CARD9: variants seen among roughly 807,000 people sequenced by gnomAD.
The protein encoded by CARD9 is caspase recruitment domain family member 9.
A neutral mutation model predicts 66.0 loss-of-function variants in CARD9; 53 were observed. That is an observed-to-expected ratio of 0.80 (90% CI 0.64 to 1.01). The LOEUF is 1.01. Ranked by LOEUF, CARD9 falls within the 50% of genes least tolerant of loss-of-function variation. The probability of loss-of-function intolerance (pLI) is 0.00; values close to 1 mark genes in which losing one functional copy is unlikely to be tolerated. For synonymous variants in CARD9, 387 were observed against 313.8 expected, an observed-to-expected ratio of 1.23 and a Z score of -2.47; for missense variants, 769 against 743.2, an observed-to-expected ratio of 1.03 and a Z score of -0.40.
At chr9:136,367,980 C>T (rs968095519) in intron 7 of CARD9, 152 bp from the exon 8 acceptor site, 26 of 1,428,836 alleles carry the variant, frequency 1.8e-5, no homozygotes, top group African/African-American at 5.8e-5. Flanking sequence ...GTGTGCTCTG[C>T]GGACACGAAG....
At chr9:136,371,800 C>T (rs1000395266) in intron 2 of CARD9, 95 bp downstream of exon 2, 126 of 1,525,778 alleles carry the variant, frequency 8.3e-5, no homozygotes, top group Non-Finnish European at 1.1e-4. Flanking sequence ...CGGGGCTCTC[C>T]TGGGGTTGAG....
intron 6 of CARD9, 146 bp downstream of exon 6, chr9:136,370,148 C>T (rs990313712): frequency 8.3e-6 from 12 of 1,450,804 alleles, no homozygotes; most frequent in Admixed American, 6.5e-5. Context: ...GAGAGGGCAC[C>T]GTCCACTGTG....
chr9:136,365,960 C>T (rs537273699), intron 10 of CARD9: 2 of 152,552 alleles, frequency 1.3e-5, no homozygotes, highest in Admixed American at 1.3e-4. Flanking sequence ...CTTGGCATCC[C>T]CATGTTCAAG....
intron 10 of CARD9, 137 bp downstream of exon 10, chr9:136,366,663 A>G (rs1833131276): frequency 1.1e-6 from 1 of 937,990 alleles, no homozygotes; most frequent in Non-Finnish European, 1.7e-6. Flanking sequence ...ACTTATCCCC[A>G]GCCCCAGTTT....
At chr9:136,371,606 G>T (rs2131445065) in intron 2 of CARD9, 145 bp from the exon 3 acceptor site, 1 of 1,347,488 alleles carries the variant, frequency 7.4e-7, no homozygotes, top group African/African-American at 1.4e-5. Flanking sequence ...TACCCTGCGG[G>T]TCTTGGTACT....
At chr9:136,366,690 G>C (rs911009520) in intron 10 of CARD9, 110 bp downstream of exon 10, 7 of 1,146,826 alleles carry the variant, frequency 6.1e-6, no homozygotes, top group Non-Finnish European at 9.2e-6. Flanking sequence ...CTGTGGAGTG[G>C]GGGTTGTGGG....
chr9:136,364,543 C>A lies in CARD9; in HGVS notation c.1451G>T (p.Ser484Ile). The A allele has an allele frequency of 6.5e-7, 1 of 1,538,762 alleles. No individual in the cohort carries two copies. Residue 484 changes from serine to isoleucine, a missense_variant, in exon 12 of 13, where the codon AGC becomes ATC. Ser to Ile is a moderately radical substitution (Grantham distance 142). Coordinates refer to ENST00000371732, the MANE Select transcript of CARD9 (RefSeq NM_052813.5). Reference sequence around the variant, plus strand: ...CCGCTCCTTCTCGGGCGGCTCCCCGCTGCTCAGGCCTGCGTCCTGGAGAAG... The same window carrying A: ...CCGCTCCTTCTCGGGCGGCTCCCCGATGCTCAGGCCTGCGTCCTGGAGAAG... ...LRNPHDAGLSSGEPPEKERRR... is the reference protein window; with the variant it reads ...LRNPHDAGLSIGEPPEKERRR...
Position 136,373,645 on chromosome 9 carries a change from G to A in CARD9, c.-130C>T. The A allele has an allele frequency of 1.1e-6, 1 of 905,920 alleles. No individual in the cohort carries two copies. Among genetic ancestry groups the A allele is most frequent in the East Asian group, 1.2e-4 (1 of 8,524 alleles). 56.1% of individuals were successfully genotyped at this position (905,920 alleles called of 1,614,324 possible). A position where few individuals can be genotyped will look rare whatever the true frequency, so the allele number is the denominator to read the frequency against. ...GGAGGGAGGAGCACGCCGGACGCCTGTGCACTTCCTGATGGGTTCTGCTTA... is the reference window on the plus strand; with the variant it reads ...GGAGGGAGGAGCACGCCGGACGCCTATGCACTTCCTGATGGGTTCTGCTTA... On this transcript the variant is annotated 5_prime_UTR_variant, in exon 1 of 13. Transcript: ENST00000371732.
In CARD9 at chr9:136,373,438, C is replaced by A; in HGVS notation, c.-17+94G>T. The A allele has an allele frequency of 4.2e-6, 4 of 955,430 alleles. No individual in the cohort carries two copies. In the South Asian group the frequency reaches 1.9e-4, roughly 46 times the overall value. 59.2% of individuals were successfully genotyped at this position (955,430 alleles called of 1,614,324 possible). A position where few individuals can be genotyped will look rare whatever the true frequency, so the allele number is the denominator to read the frequency against. ...AGGCTGCCTGGCTGCCTGTGGGAAG[C>A]CTCAGGCTGCTCTGGGGGATCAGTG... On this transcript the variant is annotated intron_variant, in intron 1 of 12. Transcript: ENST00000371732.
chr9:136,367,404 G>T, intron 8 of CARD9, 147 bp from the exon 9 acceptor site: 2 of 1,042,768 alleles, frequency 1.9e-6, no homozygotes, highest in Non-Finnish European at 2.8e-6. Context: ...AGAACAACCT[G>T]CTAGGCTGCC....
In CARD9 at chr9:136,370,530, A is replaced by G. The variant is rs1473942095; in HGVS notation, c.799T>C (p.Ser267Pro). The G allele has an allele frequency of 1.9e-6, 3 of 1,600,638 alleles. No individual in the cohort carries two copies. The highest frequency in any genetic ancestry group is 2.6e-6 in the Non-Finnish European group (3 of 1,175,272). The change falls in exon 5 of 13, where the codon TCC (serine) becomes CCC (proline). Residue 267 changes from serine (S) to proline (P), a missense_variant. Coordinates refer to ENST00000371732, the MANE Select transcript of CARD9 (RefSeq NM_052813.5). ...LQARVQELEA[S>P]VQEGKLDRSS... ...CCTGCCTACGGCCCCACCTGGACGG[A>G]GGCCTCCAGCTCCTGCACCCGGGCC...
chr9:136,371,916 C>T lies in CARD9; in HGVS notation c.163G>A (p.Val55Ile), dbSNP rs752221728. 10 of 1,604,814 alleles carry T rather than the reference C, an allele frequency of 6.2e-6. 1 individual carries two copies. In the South Asian group the frequency reaches 1.1e-4, roughly 18 times the overall value. Residue 55 changes from valine to isoleucine, a missense_variant, in exon 2 of 13, where the codon GTC (valine) becomes ATC (isoleucine). Transcript: ENST00000371732. ...TGACCCACTTTCCGTTTGCGGATGA[C>T]CAGGTTGGGGTCGCTGAGCACCTGC... ...EEQVLSDPNL[V>I]IRKRKVGVLL...
chr9:136,373,302 C>T (rs910571855), intron 1 of CARD9, among the ~76,000 whole-genome samples: 1 of 152,212 alleles, frequency 6.6e-6, no homozygotes, highest in South Asian at 2.1e-4. Flanking sequence ...ACACTGGGCC[C>T]CTTTCCTGCT....
chr9:136,364,349 G>A lies in CARD9; in HGVS notation c.1564C>T (p.Arg522Trp), dbSNP rs1365772840. Residue 522 changes from arginine (R) to tryptophan (W), a missense_variant, in exon 13 of 13, where the codon CGG becomes TGG. Arg to Trp is a moderately radical substitution (Grantham distance 101, BLOSUM62 -3). Coordinates refer to ENST00000371732, the MANE Select transcript of CARD9 (RefSeq NM_052813.5). ...TTGTCGCTGCCCGTGGTGTTCTCCC[G>A]GTCCTCCTCCCCCTGCCGCCATCCT... ...QKGWRQGEED[R>W]ENTTGSDNTD... The A allele has an allele frequency of 1.9e-6, 3 of 1,569,958 alleles. No individual in the cohort carries two copies. The highest frequency in any genetic ancestry group is 3.7e-5 in the Admixed American group (2 of 54,010).
intron 2 of CARD9, 64 bp downstream of exon 2, chr9:136,371,831 C>T: frequency 6.5e-7 from 1 of 1,549,798 alleles, no homozygotes. Flanking sequence ...GCAGAGCGTG[C>T]AGCCACCTCC....
intron 1 of CARD9, 23 bp from the exon 2 acceptor site, chr9:136,372,117 G>A: frequency 4.3e-6 from 7 of 1,610,346 alleles, no homozygotes; most frequent in South Asian, 1.1e-5. Flanking sequence ...GGGCAGTGCT[G>A]AGAGCGATGC....
At chr9:136,368,030 C>T in intron 7 of CARD9, 2 of 1,416,084 alleles carry the variant, frequency 1.4e-6, no homozygotes, top group Non-Finnish European at 1.8e-6. Flanking sequence ...GTTGTCCCTG[C>T]TGCCCTTCTG....
chr9:136,370,489 C>A (rs775161192), intron 5 of CARD9, 33 bp downstream of exon 5: 17 of 1,603,684 alleles, frequency 1.1e-5, no homozygotes, highest in Non-Finnish European at 1.4e-5. Context: ...CACTGCCCTG[C>A]CTGGGCTGCA....
chr9:136,366,505 A>G, intron 10 of CARD9: 1 of 505,336 alleles, frequency 2.0e-6, no homozygotes, highest in Non-Finnish European at 3.6e-6. Context: ...CCACACTCTC[A>G]GGACGGTGGG....
Sources: allele counts gnomAD v4.1 joint callset (sites outside exome capture counted in the v4.1 genomes callset), GRCh38; gene constraint gnomAD v4.1.1; transcripts MANE v1.5; gene names NCBI Gene and HGNC (gene_info 2026-07-23, HGNC 2026-07-21).